Variants in GRIP1 observed in about 807,000 individuals in gnomAD.
GRIP1 encodes glutamate receptor-interacting protein 1.
In GRIP1, 45 loss-of-function variants were observed where a neutral mutation model predicts 129.9. The observed-to-expected ratio is 0.35, with a 90% CI of 0.27 to 0.44. GRIP1 has a LOEUF of 0.44. Among genes scored for constraint, GRIP1 ranks in the 20% least tolerant of loss-of-function variants. The pLI is 1.00. For synonymous variants in GRIP1, 530 were observed against 520.8 expected (o/e 1.02, Z -0.24); for missense variants, 1,196 against 1,396.8 (o/e 0.86, Z 2.29).
Position 66,678,877 on chromosome 12 carries a change from A to G in GRIP1, c.28T>C (p.Cys10Arg), listed in dbSNP as rs201853130. The change falls in exon 1 of 25, where the codon TGT becomes CGT. Residue 10 changes from cysteine (C) to arginine (R), a missense_variant. By Grantham distance (180) the Cys-to-Arg change is radical. Transcript: ENST00000359742. MIAVSFKCR[C>R]QILRRLTKDE... is the part of the protein sequence containing the mutation. The stretch of plus-strand genomic sequence containing the variant: ...TTAGTAAGTCGCCTCAGAATTTGAC[A>G]ACGGCATTTAAAAGAGACAGCTATC... The G allele has an allele frequency of 1.2e-6, 2 of 1,613,516 alleles. No homozygotes were observed. Among genetic ancestry groups the G allele is most frequent in the Non-Finnish European group, 1.7e-6 (2 of 1,179,612 alleles).
upstream of GRIP1, chr12:66,804,334 G>A: frequency 9.2e-6 from 2 of 218,416 alleles, no homozygotes; most frequent in South Asian, 1.3e-4. Context: ...CCATCAACAC[G>A]GCGACTTTGG....
intron 23 of GRIP1, among the ~76,000 whole-genome samples, chr12:66,364,686 G>T (rs1016730344): frequency 6.6e-6 from 1 of 152,108 alleles, no homozygotes; most frequent in African/African-American, 2.4e-5. Flanking sequence ...CAGATTCACT[G>T]AGCTCCAGAT....
chr12:66,451,383 G>GGTTTTTTTT lies in GRIP1; in HGVS notation c.1354+4025_1354+4026insAAAAAAAAC, dbSNP rs1565751885. On this transcript the variant is annotated intron_variant, in intron 11 of 24. Coordinates refer to ENST00000359742, the MANE Select transcript of GRIP1 (RefSeq NM_001366722.1). ...CCCCAAAGATTTATTATTATAATCT[G>GGTTTTTTTT]TTTTTTTTTTTTTTTTTTTTTTTTT... Among the ~76,000 whole-genome samples, 23 of 42,650 alleles carry GGTTTTTTTT rather than the reference G, an allele frequency of 5.4e-4. 7 individuals carry two copies. Among genetic ancestry groups the GGTTTTTTTT allele is most frequent in the Non-Finnish European group, 5.9e-4 (14 of 23,900 alleles). 28.0% of individuals were successfully genotyped at this position (42,650 alleles called of 152,430 possible). A position where few individuals can be genotyped will look rare whatever the true frequency, so the allele number is the denominator to read the frequency against.
intron 1 of GRIP1, among the ~76,000 whole-genome samples, chr12:66,710,381 G>A (rs954408026): frequency 1.3e-5 from 2 of 151,986 alleles, no homozygotes; most frequent in African/African-American, 4.8e-5. Flanking sequence ...CAACTGAGAA[G>A]TACTCTATGG....
intron 7 of GRIP1, 44 bp downstream of exon 7, chr12:66,515,575 A>T: frequency 6.4e-7 from 1 of 1,564,450 alleles, no homozygotes; most frequent in Non-Finnish European, 8.8e-7. Flanking sequence ...ACAGACAGTG[A>T]CGTTCTGGTG....
intron 1 of GRIP1, among the ~76,000 whole-genome samples, chr12:66,764,962 A>G (rs545302108): frequency 1.1e-4 from 17 of 152,306 alleles, no homozygotes; most frequent in African/African-American, 4.1e-4. Context: ...AGCTCATCGA[A>G]TCCTTACAAA....
intron 24 of GRIP1, among the ~76,000 whole-genome samples, chr12:66,349,695 A>C (rs1248579667): frequency 6.6e-6 from 1 of 152,130 alleles, no homozygotes; most frequent in Non-Finnish European, 1.5e-5. Context: ...CCCACAAGCG[A>C]GCTCCACCAG....
chr12:66,636,715 C>CTGTGTG (rs113361426), intron 1 of GRIP1, among the ~76,000 whole-genome samples: 15,134 of 145,030 alleles, frequency 0.1, 860 homozygotes, highest in Non-Finnish European at 0.14. Context: ...CATTAGATCT[C>CTGTGTG]TGTGTGTGTG....
intron 1 of GRIP1, among the ~76,000 whole-genome samples, chr12:66,928,869 G>A (rs1260694096): frequency 6.6e-6 from 1 of 152,118 alleles, no homozygotes; most frequent in Non-Finnish European, 1.5e-5. Flanking sequence ...CTATACTGTG[G>A]CTCTGGGTTG....
intron 7 of GRIP1, among the ~76,000 whole-genome samples, chr12:66,468,848 A>T (rs941256547): frequency 6.6e-6 from 1 of 152,212 alleles, no homozygotes; most frequent in African/African-American, 2.4e-5. Flanking sequence ...ATCCTCTGCC[A>T]TCATTAATTT....
At chr12:66,636,295 G>C (rs1451792573) in intron 1 of GRIP1, among the ~76,000 whole-genome samples, 1 of 152,058 alleles carries the variant, frequency 6.6e-6, no homozygotes, top group African/African-American at 2.4e-5. Flanking sequence ...TAGAGTTTCA[G>C]CTTGAGATGA....
At chr12:66,577,878 C>T (rs2870852) in intron 2 of GRIP1, among the ~76,000 whole-genome samples, 1 of 152,028 alleles carries the variant, frequency 6.6e-6, no homozygotes, top group East Asian at 1.9e-4. Flanking sequence ...GACTTGAGCC[C>T]AGGAGGTAAA....
In GRIP1 at chr12:66,636,752, T is replaced by A. The variant is rs550777806; in HGVS notation, c.56-39825A>T. Among the ~76,000 whole-genome samples the A allele has an allele frequency of 4.0e-3, 573 of 144,860 alleles. 4 individuals carry two copies. Among genetic ancestry groups the A allele is most frequent in the African/African-American group, 0.014 (538 of 39,488 alleles). On this transcript the variant is annotated intron_variant, in intron 1 of 24. Transcript: ENST00000359742. ...GTGTGTGTGTGTGTGTGTGTGTGTG[T>A]GTCTCACTCTCTCTCTCTCTGTGCC...
At chr12:66,804,190 TACTC>T, upstream of GRIP1, 3 of 455,042 alleles carry the variant, frequency 6.6e-6, no homozygotes, top group Non-Finnish European at 1.3e-5. Context: ...GTCCATCTCT[TACTC>T]ACCGTGCAGC....
intron 15 of GRIP1, among the ~76,000 whole-genome samples, chr12:66,418,475 G>GA (rs1307706951): frequency 2.6e-5 from 4 of 151,270 alleles, no homozygotes; most frequent in African/African-American, 4.9e-5. Context: ...TCATAGCAAA[G>GA]AAAAAAAATC....
intron 1 of GRIP1, among the ~76,000 whole-genome samples, chr12:66,859,276 CAAA>C (rs1566054574): frequency 2.8e-4 from 3 of 10,884 alleles, no homozygotes; most frequent in South Asian, 8.8e-3. Flanking sequence ...AACAAAAAAA[CAAA>C]AAAACAAAAA....
chr12:66,961,665 A>AT (rs1330402037), intron 1 of GRIP1, among the ~76,000 whole-genome samples: 2 of 151,928 alleles, frequency 1.3e-5, no homozygotes, highest in Admixed American at 6.6e-5. Flanking sequence ...CTTGGCCCCA[A>AT]TTTTTTTAAA....
intron 19 of GRIP1, among the ~76,000 whole-genome samples, chr12:66,385,915 G>C (rs965322836): frequency 6.6e-6 from 1 of 151,996 alleles, no homozygotes; most frequent in Non-Finnish European, 1.5e-5. Context: ...GGCCTCCTTT[G>C]GTTTAGAATT....
At chr12:66,804,313 C>T (rs1407999307), upstream of GRIP1, 3 of 245,090 alleles carry the variant, frequency 1.2e-5, no homozygotes, top group African/African-American at 6.8e-5. Flanking sequence ...CTTCTATCTA[C>T]CTCTGGGCTA....
Sources: gnomAD v4.1 joint callset for allele counts (sites outside exome capture counted in the v4.1 genomes callset) on GRCh38, gnomAD v4.1.1 for gene constraint, MANE v1.5 for transcripts, NCBI Gene and HGNC (gene_info 2026-07-23, HGNC 2026-07-21) for gene names.